GPR158: variants seen among roughly 807,000 people sequenced by gnomAD.
GPR158 encodes metabotropic glycine receptor.
In GPR158, 30 loss-of-function variants were observed where a neutral mutation model predicts 78.2. The ratio of observed to expected loss-of-function variants is 0.38; its 90% CI spans 0.29 to 0.52. The LOEUF (loss-of-function observed/expected upper bound fraction) is 0.52, where lower values mean the gene tolerates loss of function less well. Among genes scored for constraint, GPR158 ranks in the 20% least tolerant of loss-of-function variants. The pLI is 0.83. For synonymous variants in GPR158, 581 were observed against 591.1 expected (o/e 0.98, Z 0.25); for missense variants, 1,463 against 1,523.5 (o/e 0.96, Z 0.66).
chr10:25,415,065 C>T (rs983224647), intron 4 of GPR158, among the ~76,000 whole-genome samples: 3 of 152,028 alleles, frequency 2.0e-5, no homozygotes, highest in Admixed American at 1.3e-4. Flanking sequence ...AGTAAAAACC[C>T]AAGAAACTTT....
At chr10:25,317,716 GTT>G (rs756759445) in intron 2 of GPR158, among the ~76,000 whole-genome samples, 7 of 134,066 alleles carry the variant, frequency 5.2e-5, no homozygotes, top group African/African-American at 1.9e-4. Context: ...TTCGTAAAGT[GTT>G]TTTTTTTGTT....
At chr10:25,301,571 T>G (rs1474470506) in intron 2 of GPR158, among the ~76,000 whole-genome samples, 1 of 152,048 alleles carries the variant, frequency 6.6e-6, no homozygotes, top group African/African-American at 2.4e-5. Flanking sequence ...TTGTGTGTGT[T>G]GGGATTGTGA....
chr10:25,410,212 C>A (rs537412200), intron 3 of GPR158, among the ~76,000 whole-genome samples: 3 of 152,302 alleles, frequency 2.0e-5, no homozygotes, highest in East Asian at 1.9e-4. Context: ...TGTCTTCTAA[C>A]TTCTCTGTTT....
At chr10:25,524,952 A>G (rs188813403) in intron 5 of GPR158, among the ~76,000 whole-genome samples, 54 of 152,300 alleles carry the variant, frequency 3.5e-4, no homozygotes, top group African/African-American at 1.3e-3. Context: ...AACTAAATAG[A>G]CAAAGGATCT....
chr10:25,381,100 G>T (rs1242759897), intron 2 of GPR158, among the ~76,000 whole-genome samples: 3 of 152,194 alleles, frequency 2.0e-5, no homozygotes, highest in Non-Finnish European at 4.4e-5. Context: ...GGGGCTGAAA[G>T]GGAGTGGCAA....
Position 25,598,044 on chromosome 10 carries a change from C to T in GPR158, c.2418C>T (p.Thr806=), listed in dbSNP as rs1837434642. Residue 806 remains threonine (T), a synonymous_variant, in exon 11 of 11, where the codon ACC becomes ACT. Coordinates refer to ENST00000376351, the MANE Select transcript of GPR158 (RefSeq NM_020752.3). ...SGNTGKSKEE[T]LKNRVFSLKK... ...ACACAGGGAAATCCAAGGAGGAGACCCTGAAAAACCGAGTCTTCTCACTCA... is the reference window on the plus strand; with the variant it reads ...ACACAGGGAAATCCAAGGAGGAGACTCTGAAAAACCGAGTCTTCTCACTCA... 1 of 1,613,906 alleles carries T rather than the reference C, an allele frequency of 6.2e-7. No individual in the cohort carries two copies. The highest frequency in any genetic ancestry group is 8.5e-7 in the Non-Finnish European group (1 of 1,180,028).
chr10:25,576,057 GT>G (rs11306607), intron 7 of GPR158, among the ~76,000 whole-genome samples: 32,556 of 149,498 alleles, frequency 0.22, 4,437 homozygotes, highest in Non-Finnish European at 0.31. Context: ...TTCTGTTGTT[GT>G]TTTTTTTTTC....
intron 2 of GPR158, among the ~76,000 whole-genome samples, chr10:25,316,872 T>C (rs1260509749): frequency 6.9e-6 from 1 of 145,708 alleles, no homozygotes. Context: ...TATATTTATA[T>C]ATGTATGTAT....
chr10:25,420,813 C>T (rs186235824), intron 4 of GPR158, among the ~76,000 whole-genome samples: 10 of 152,184 alleles, frequency 6.6e-5, no homozygotes, highest in Admixed American at 3.9e-4. Flanking sequence ...TACTCTATTC[C>T]GTTGGTCTGT....
intron 1 of GPR158, among the ~76,000 whole-genome samples, chr10:25,211,609 C>T (rs762463205): frequency 6.6e-6 from 1 of 152,170 alleles, no homozygotes; most frequent in Admixed American, 6.5e-5. Flanking sequence ...CTCTTATCAC[C>T]GTTGCACTGG....
At chr10:25,372,096 A>C (rs1216926013) in intron 2 of GPR158, among the ~76,000 whole-genome samples, 1 of 51,238 alleles carries the variant, frequency 2.0e-5, no homozygotes, top group Non-Finnish European at 5.5e-5. Flanking sequence ...GCCAAAAAAC[A>C]CATGAAAAAA....
intron 2 of GPR158, among the ~76,000 whole-genome samples, chr10:25,338,459 ATTACGTATAT>A (rs1855247571): frequency 5.8e-5 from 8 of 137,832 alleles, no homozygotes; most frequent in African/African-American, 2.4e-4. Flanking sequence ...TAATATATAT[ATTACGTATAT>A]TATACGTATA....
At chr10:25,181,203 C>G (rs1011294002) in intron 1 of GPR158, among the ~76,000 whole-genome samples, 10 of 152,198 alleles carry the variant, frequency 6.6e-5, no homozygotes, top group Non-Finnish European at 1.3e-4. Flanking sequence ...GCCTGGGTTA[C>G]AGATTAAAAG....
At chr10:25,242,468 A>G (rs192810440) in intron 2 of GPR158, among the ~76,000 whole-genome samples, 4 of 152,372 alleles carry the variant, frequency 2.6e-5, no homozygotes, top group African/African-American at 7.2e-5. Flanking sequence ...AGATTTGTCC[A>G]TATGATTTTT....
intron 2 of GPR158, among the ~76,000 whole-genome samples, chr10:25,356,735 C>A (rs1855560333): frequency 1.3e-5 from 2 of 152,110 alleles, no homozygotes; most frequent in South Asian, 4.1e-4. Flanking sequence ...AAACCTCTTT[C>A]TTTTGTAAAC....
At chr10:25,334,899 G>T (rs1294850090) in intron 2 of GPR158, among the ~76,000 whole-genome samples, 1 of 151,940 alleles carries the variant, frequency 6.6e-6, no homozygotes, top group East Asian at 1.9e-4. Context: ...TTTCAAATGT[G>T]TCTTCATTGC....
chr10:25,470,307 G>A (rs527639726), intron 5 of GPR158, among the ~76,000 whole-genome samples: 3 of 152,124 alleles, frequency 2.0e-5, no homozygotes, highest in South Asian at 4.2e-4. Flanking sequence ...GGGTATTTTC[G>A]GAGGTGTTTA....
At chr10:25,306,716 A>G (rs1264637102) in intron 2 of GPR158, among the ~76,000 whole-genome samples, 1 of 152,196 alleles carries the variant, frequency 6.6e-6, no homozygotes, top group African/African-American at 2.4e-5. Flanking sequence ...TGTGTCATGC[A>G]TGCCAGAATA....
intron 5 of GPR158, among the ~76,000 whole-genome samples, chr10:25,536,160 T>C (rs1836497606): frequency 6.6e-6 from 1 of 152,222 alleles, no homozygotes; most frequent in Non-Finnish European, 1.5e-5. Context: ...GTAGCTCATA[T>C]ATTTGTATTA....
Sources: gnomAD v4.1 joint callset for allele counts (sites outside exome capture counted in the v4.1 genomes callset) on GRCh38, gnomAD v4.1.1 for gene constraint, MANE v1.5 for transcripts, NCBI Gene and HGNC (gene_info 2026-07-23, HGNC 2026-07-21) for gene names.